PPP4R3A: variants seen among roughly 807,000 people sequenced by gnomAD.
The protein encoded by PPP4R3A is serine/threonine-protein phosphatase 4 regulatory subunit 3A.
Under a neutral mutation model 91.7 loss-of-function variants are expected in PPP4R3A, and 15 were observed. That is an observed-to-expected ratio of 0.16 (90% CI 0.11 to 0.25). PPP4R3A has a LOEUF of 0.25. Among genes scored for constraint, PPP4R3A ranks in the 10% least tolerant of loss-of-function variants. The pLI, the probability that PPP4R3A is intolerant of heterozygous loss-of-function variation, is 1.00. For synonymous variants in PPP4R3A, 377 were observed against 348.7 expected, an observed-to-expected ratio of 1.08 and a Z score of -0.91; for missense variants, 623 against 998.4, an observed-to-expected ratio of 0.62 and a Z score of 5.07.
At chr14:91,496,497 T>C (rs1378634514) in intron 1 of PPP4R3A, among the ~76,000 whole-genome samples, 3 of 152,118 alleles carry the variant, frequency 2.0e-5, no homozygotes, top group African/African-American at 7.2e-5. Context: ...ACCAGTCTCT[T>C]TTACATTTTC....
At chr14:91,459,812 G>A (rs1888008674) in intron 14 of PPP4R3A, among the ~76,000 whole-genome samples, 1 of 142,038 alleles carries the variant, frequency 7.0e-6, no homozygotes, top group Non-Finnish European at 1.5e-5. Context: ...TCCAGCCTGG[G>A]TGACAGACTG....
chr14:91,461,961 C>T, intron 13 of PPP4R3A, 88 bp downstream of exon 13: 1 of 1,412,300 alleles, frequency 7.1e-7, no homozygotes, highest in Non-Finnish European at 9.2e-7. Context: ...TCACACCTTC[C>T]AAGCAAATAA....
chr14:91,467,637 C>T (rs1888554361), intron 10 of PPP4R3A, among the ~76,000 whole-genome samples: 1 of 151,998 alleles, frequency 6.6e-6, no homozygotes, highest in Non-Finnish European at 1.5e-5. Flanking sequence ...TAAAGGGCTA[C>T]AATGTAAGAT....
intron 3 of PPP4R3A, among the ~76,000 whole-genome samples, chr14:91,484,981 G>C (rs1470006980): frequency 6.6e-6 from 1 of 151,940 alleles, no homozygotes; most frequent in Admixed American, 6.5e-5. Flanking sequence ...CGGTAAGGCT[G>C]AATAGTCAGT....
At chr14:91,507,640 A>AGTATATATACACGGACTATATATATATAT (rs201065747) in intron 1 of PPP4R3A, among the ~76,000 whole-genome samples, 4 of 129,862 alleles carry the variant, frequency 3.1e-5, no homozygotes, top group African/African-American at 1.2e-4. Flanking sequence ...ATACTATAAT[A>AGTATATATACACGGACTATATATATATAT]ATATATACAC....
intron 1 of PPP4R3A, among the ~76,000 whole-genome samples, chr14:91,504,039 G>A (rs1350980070): frequency 1.3e-5 from 2 of 152,142 alleles, no homozygotes; most frequent in East Asian, 3.9e-4. Flanking sequence ...ACCATTCTGG[G>A]CAATACAGTG....
intron 2 of PPP4R3A, among the ~76,000 whole-genome samples, chr14:91,488,707 T>C (rs1348364463): frequency 6.6e-6 from 1 of 152,106 alleles, no homozygotes; most frequent in East Asian, 1.9e-4. Context: ...AAAGTTATGT[T>C]ATTTTCCCTC....
intron 2 of PPP4R3A, among the ~76,000 whole-genome samples, chr14:91,489,250 C>T (rs1485901943): frequency 2.0e-5 from 3 of 152,078 alleles, no homozygotes; most frequent in Non-Finnish European, 2.9e-5. Flanking sequence ...CAGAAAATAA[C>T]AATCATCTTG....
At chr14:91,503,425 C>T (rs1891082649) in intron 1 of PPP4R3A, among the ~76,000 whole-genome samples, 2 of 152,164 alleles carry the variant, frequency 1.3e-5, no homozygotes, top group African/African-American at 4.8e-5. Context: ...GCCGGGACTA[C>T]AGGTGTTTAA....
Position 91,461,374 on chromosome 14 carries a change from A to T in PPP4R3A, c.2391+7T>A. On this transcript the variant is annotated splice_region_variant and intron_variant, in intron 14 of 14. Transcript: ENST00000554943. ...AAAAGGGGGCAAAATGGGAGTCAAG[A>T]ATGTACCTTTGTAGTAATAGCTGCC... 1 of 1,596,760 alleles carries T rather than the reference A, an allele frequency of 6.3e-7. No homozygotes were observed. The highest frequency in any genetic ancestry group is 8.6e-7 in the Non-Finnish European group (1 of 1,165,722).
intron 9 of PPP4R3A, among the ~76,000 whole-genome samples, chr14:91,471,740 G>A (rs1346127981): frequency 6.6e-6 from 1 of 152,116 alleles, no homozygotes; most frequent in Non-Finnish European, 1.5e-5. Context: ...TTTAACTTGT[G>A]TTTTATGTGA....
rs1364082699 is a variant in PPP4R3A at position 91,485,627 on chromosome 14, A to G, written c.297+5T>C. ...GCATGTTGATTTTTTTATTTAAAAA[A>G]TTACCTGACATATTTTCTCCCAAAT... On this transcript the variant is annotated splice_donor_5th_base_variant and intron_variant, in intron 3 of 14. Transcript: ENST00000554943. The G allele has an allele frequency of 1.3e-6, 2 of 1,593,258 alleles. No homozygotes were observed. The highest frequency in any genetic ancestry group is 1.7e-5 in the Admixed American group (1 of 59,480).
rs567685393 is a variant in PPP4R3A at position 91,510,275 on chromosome 14, C to T, written c.-628G>A. The T allele has an allele frequency of 1.5e-3, 222 of 152,886 alleles. No individual in the cohort carries two copies. Among genetic ancestry groups the T allele is most frequent in the Middle Eastern group, 3.4e-3 (1 of 296 alleles). The allele number at this position is 152,886 out of a possible 1,614,324, so 9.5% of individuals were successfully genotyped here. Reference sequence around the variant, plus strand: ...TTCCGTCTTCCTCACACAGCCAAAACCGCCGCCATCTTGGTTCGCCCCTCA... The same window carrying T: ...TTCCGTCTTCCTCACACAGCCAAAATCGCCGCCATCTTGGTTCGCCCCTCA... On this transcript the variant is annotated 5_prime_UTR_variant, in exon 1 of 15. Transcript: ENST00000554943.
In PPP4R3A at chr14:91,509,896, C is replaced by T; in HGVS notation, c.-249G>A. 1.9e-6 allele frequency: 2 copies of T among 1,073,508 alleles called. No homozygotes were observed. Among genetic ancestry groups the T allele is most frequent in the Non-Finnish European group, 2.3e-6 (2 of 888,422 alleles). 66.5% of individuals were successfully genotyped at this position (1,073,508 alleles called of 1,614,324 possible). Reference sequence around the variant, plus strand: ...GTCCAGGCCTGGCGAGCCCGGCGCCCGGCAGCCCCGAGGGGGCCGCGCAGC... The same window carrying T: ...GTCCAGGCCTGGCGAGCCCGGCGCCTGGCAGCCCCGAGGGGGCCGCGCAGC... On this transcript the variant is annotated 5_prime_UTR_variant, in exon 1 of 15. Transcript: ENST00000554943.
chr14:91,504,811 T>C (rs759184856), intron 1 of PPP4R3A, among the ~76,000 whole-genome samples: 2 of 152,136 alleles, frequency 1.3e-5, no homozygotes, highest in Non-Finnish European at 2.9e-5. Context: ...ACAGATCTGC[T>C]CTGTAACATG....
chr14:91,472,850 A>AACCAACCAACCAACCG (rs767330680), intron 9 of PPP4R3A, among the ~76,000 whole-genome samples, 183 bp downstream of exon 9: 1 of 151,708 alleles, frequency 6.6e-6, no homozygotes, highest in East Asian at 1.9e-4. Flanking sequence ...CCAACCAACC[A>AACCAACCAACCAACCG]AATTATTAAG....
At chr14:91,462,985 A>C in intron 11 of PPP4R3A, 108 bp from the exon 12 acceptor site, 4 of 863,214 alleles carry the variant, frequency 4.6e-6, no homozygotes, top group Non-Finnish European at 7.1e-6. Flanking sequence ...ATTTAATAAA[A>C]CTACATAATC....
intron 14 of PPP4R3A, among the ~76,000 whole-genome samples, chr14:91,460,452 A>G (rs1888060145): frequency 6.6e-6 from 1 of 151,954 alleles, no homozygotes; most frequent in South Asian, 2.1e-4. Flanking sequence ...AAAAGACTGA[A>G]TGGGCATTAC....
intron 4 of PPP4R3A, among the ~76,000 whole-genome samples, chr14:91,478,713 G>A (rs1889356256): frequency 6.6e-6 from 1 of 150,788 alleles, no homozygotes; most frequent in African/African-American, 2.4e-5. Context: ...AGGATCAGGA[G>A]AACTCAGTAT....
Sources: allele counts gnomAD v4.1 joint callset (sites outside exome capture counted in the v4.1 genomes callset), GRCh38; gene constraint gnomAD v4.1.1; transcripts MANE v1.5; gene names NCBI Gene and HGNC (gene_info 2026-07-23, HGNC 2026-07-21).